NXPH1: variants seen among roughly 807,000 people sequenced by gnomAD.
NXPH1 encodes neurexophilin 1.
A neutral mutation model predicts 23.7 loss-of-function variants in NXPH1; 5 were observed. That is an observed-to-expected ratio of 0.21 (90% CI 0.11 to 0.44). NXPH1 has a LOEUF of 0.44. Ranked by LOEUF, NXPH1 falls within the 20% of genes least tolerant of loss-of-function variation. NXPH1 has a pLI of 0.99. For synonymous variants in NXPH1, 144 were observed against 122.2 expected, an observed-to-expected ratio of 1.18 and a Z score of -1.18; for missense variants, 324 against 321.6, an observed-to-expected ratio of 1.01 and a Z score of -0.06.
At chr7:8,673,516 A>G (rs766928132) in intron 2 of NXPH1, among the ~76,000 whole-genome samples, 10 of 152,184 alleles carry the variant, frequency 6.6e-5, no homozygotes, top group Non-Finnish European at 1.2e-4. Context: ...GCTGTGTGGC[A>G]TTAGAGTTAA....
intron 2 of NXPH1, among the ~76,000 whole-genome samples, chr7:8,679,199 G>A (rs1451901413): frequency 1.3e-5 from 2 of 151,720 alleles, no homozygotes; most frequent in East Asian, 1.9e-4. Flanking sequence ...CGCCCACCTC[G>A]GCCTCCCAAA....
At chr7:8,532,838 A>G (rs974192029) in intron 2 of NXPH1, among the ~76,000 whole-genome samples, 1 of 152,126 alleles carries the variant, frequency 6.6e-6, no homozygotes, top group African/African-American at 2.4e-5. Flanking sequence ...AAGCTTATGC[A>G]TGGTAATGTG....
intron 2 of NXPH1, among the ~76,000 whole-genome samples, chr7:8,587,684 G>T (rs1819007356): frequency 6.6e-6 from 1 of 151,956 alleles, no homozygotes; most frequent in African/African-American, 2.4e-5. Context: ...CCATCCCTGT[G>T]TCCATGTGTT....
chr7:8,523,077 G>A (rs1330418316), intron 2 of NXPH1, among the ~76,000 whole-genome samples: 2 of 152,240 alleles, frequency 1.3e-5, no homozygotes, highest in East Asian at 1.9e-4. Context: ...AAGAGAGGAT[G>A]TGTTTCATGT....
intron 2 of NXPH1, among the ~76,000 whole-genome samples, chr7:8,576,006 C>G (rs917422439): frequency 6.6e-6 from 1 of 152,156 alleles, no homozygotes; most frequent in Non-Finnish European, 1.5e-5. Context: ...TCTGTAAAAA[C>G]TTCCCATCTC....
intron 2 of NXPH1, among the ~76,000 whole-genome samples, chr7:8,496,497 C>T (rs535781749): frequency 6.6e-6 from 1 of 151,998 alleles, no homozygotes; most frequent in African/African-American, 2.4e-5. Flanking sequence ...CAAGAGTGGG[C>T]AGAAGAGCCT....
chr7:8,671,281 G>T (rs935480284), intron 2 of NXPH1, among the ~76,000 whole-genome samples: 4 of 152,188 alleles, frequency 2.6e-5, no homozygotes, highest in African/African-American at 9.6e-5. Flanking sequence ...GTTTGACTAA[G>T]ATTTTATCAT....
At chr7:8,536,954 A>G (rs1584218751) in intron 2 of NXPH1, among the ~76,000 whole-genome samples, 1 of 151,968 alleles carries the variant, frequency 6.6e-6, no homozygotes, top group Non-Finnish European at 1.5e-5. Context: ...TGATAGTGAG[A>G]GTTTTATTAT....
intron 2 of NXPH1, among the ~76,000 whole-genome samples, chr7:8,625,230 T>A (rs1298645136): frequency 6.6e-6 from 1 of 152,178 alleles, no homozygotes; most frequent in Admixed American, 6.6e-5. Context: ...AAGCAAAATG[T>A]AACTTGACTG....
At chr7:8,684,233 C>A (rs1165851704) in intron 2 of NXPH1, among the ~76,000 whole-genome samples, 1 of 152,132 alleles carries the variant, frequency 6.6e-6, no homozygotes, top group Non-Finnish European at 1.5e-5. Context: ...ATATCATATT[C>A]CTGCCCGTGA....
intron 2 of NXPH1, among the ~76,000 whole-genome samples, chr7:8,643,223 A>T (rs1385617713): frequency 6.6e-6 from 1 of 152,180 alleles, no homozygotes; most frequent in South Asian, 2.1e-4. Flanking sequence ...TATAATTAGT[A>T]TGATAAATAG....
intron 2 of NXPH1, among the ~76,000 whole-genome samples, chr7:8,450,257 GC>G (rs1816482790): frequency 6.6e-6 from 1 of 152,168 alleles, no homozygotes; most frequent in South Asian, 2.1e-4. Flanking sequence ...CTTTCCTGTG[GC>G]ATTTAATCTA....
At chr7:8,637,375 A>G (rs1422008941) in intron 2 of NXPH1, among the ~76,000 whole-genome samples, 1 of 152,016 alleles carries the variant, frequency 6.6e-6, no homozygotes, top group East Asian at 1.9e-4. Context: ...GGCTCGTGCC[A>G]CCATGCCTGG....
chr7:8,495,610 A>C (rs1817320965), intron 2 of NXPH1, among the ~76,000 whole-genome samples: 1 of 151,980 alleles, frequency 6.6e-6, no homozygotes, highest in African/African-American at 2.4e-5. Flanking sequence ...GAGAAGGAAG[A>C]GGAATGATTT....
intron 2 of NXPH1, among the ~76,000 whole-genome samples, chr7:8,608,066 A>C (rs944890085): frequency 6.6e-5 from 10 of 152,212 alleles, no homozygotes; most frequent in Non-Finnish European, 1.2e-4. Context: ...CAGAGAGAAC[A>C]CTGCTTTGCT....
intron 2 of NXPH1, among the ~76,000 whole-genome samples, chr7:8,748,173 C>T (rs777481215): frequency 3.9e-5 from 6 of 152,130 alleles, no homozygotes; most frequent in Non-Finnish European, 8.8e-5. Flanking sequence ...TTAAAAATTA[C>T]TTGTGCTAAA....
intron 2 of NXPH1, among the ~76,000 whole-genome samples, chr7:8,475,149 T>G (rs945744229): frequency 6.6e-6 from 1 of 152,110 alleles, no homozygotes; most frequent in Non-Finnish European, 1.5e-5. Flanking sequence ...ATTCCTAGAT[T>G]CCTTCTTTAG....
chr7:8,546,928 C>T (rs1416558751), intron 2 of NXPH1, among the ~76,000 whole-genome samples: 1 of 151,450 alleles, frequency 6.6e-6, no homozygotes, highest in African/African-American at 2.4e-5. Flanking sequence ...TCTGGTGCCA[C>T]AAGTTGTAGG....
At chr7:8,505,637 A>C (rs1332280711) in intron 2 of NXPH1, among the ~76,000 whole-genome samples, 1 of 152,090 alleles carries the variant, frequency 6.6e-6, no homozygotes, top group East Asian at 1.9e-4. Flanking sequence ...ACTTTTTGTA[A>C]AACTTGTGCC....
Sources: allele counts gnomAD v4.1 joint callset (sites outside exome capture counted in the v4.1 genomes callset), GRCh38; gene constraint gnomAD v4.1.1; transcripts MANE v1.5; gene names NCBI Gene and HGNC (gene_info 2026-07-23, HGNC 2026-07-21).